The following ZBTB7C variants were observed in gnomAD, a reference collection of about 807,000 sequenced individuals.
ZBTB7C encodes zinc finger and BTB domain-containing protein 7C.
In ZBTB7C, 8 loss-of-function variants were observed where a neutral mutation model predicts 25.7. That is an observed-to-expected ratio of 0.31 (90% CI 0.18 to 0.56). The LOEUF (loss-of-function observed/expected upper bound fraction) is 0.56. Ranked by LOEUF, ZBTB7C falls within the 20% of genes least tolerant of loss-of-function variation. The pLI is 0.91. For missense variants in ZBTB7C, 824 were observed against 855.2 expected (o/e 0.96, Z 0.46); for synonymous variants, 394 against 369.0 (o/e 1.07, Z -0.78).
intron 1 of ZBTB7C, among the ~76,000 whole-genome samples, chr18:48,395,461 A>ATGTG (rs71165324): frequency 0.1 from 8,522 of 83,414 alleles, 849 homozygotes; most frequent in South Asian, 0.21. Context: ...TTCTATTCAA[A>ATGTG]TGTGTGTGTG....
At chr18:48,140,427 T>C (rs2040305300) in intron 3 of ZBTB7C, among the ~76,000 whole-genome samples, 1 of 152,170 alleles carries the variant, frequency 6.6e-6, no homozygotes, top group African/African-American at 2.4e-5. Flanking sequence ...CAGAGAAGTT[T>C]TACAACTTGT....
chr18:48,373,041 C>T (rs1460415839), intron 1 of ZBTB7C, among the ~76,000 whole-genome samples: 1 of 152,152 alleles, frequency 6.6e-6, no homozygotes, highest in Non-Finnish European at 1.5e-5. Context: ...CTGTGTTACC[C>T]ACTAAATTGT....
In ZBTB7C at chr18:48,221,773, C is replaced by T. The variant is rs1694826731; in HGVS notation, c.-78-35778G>A. Among the ~76,000 whole-genome samples, 4 of 151,824 alleles carry T rather than the reference C, an allele frequency of 2.6e-5. No individual in the cohort carries two copies. The South Asian group carries it at 8.4e-4, about 32-fold the overall frequency. ...ACTGTCCTTGTCTCCTCTATACTGT[C>T]CCAGTTTCCTCTATGCTGTCCCAGT... On this transcript the variant is annotated intron_variant, in intron 2 of 4. Transcript: ENST00000590800.
intron 2 of ZBTB7C, among the ~76,000 whole-genome samples, chr18:48,239,709 G>T (rs2043472805): frequency 6.6e-6 from 1 of 152,180 alleles, no homozygotes; most frequent in South Asian, 2.1e-4. Context: ...GGACGAATCT[G>T]AACAGTAGCC....
intron 1 of ZBTB7C, among the ~76,000 whole-genome samples, chr18:48,369,461 A>G (rs1265319108): frequency 6.6e-6 from 1 of 152,168 alleles, no homozygotes; most frequent in Non-Finnish European, 1.5e-5. Flanking sequence ...CATGTAAATG[A>G]TCTAAAGATA....
intron 2 of ZBTB7C, among the ~76,000 whole-genome samples, chr18:48,297,581 C>T (rs1180537357): frequency 1.3e-5 from 2 of 152,174 alleles, no homozygotes; most frequent in Admixed American, 6.5e-5. Context: ...ACAGCCATTT[C>T]CCTGTTACCC....
intron 3 of ZBTB7C, among the ~76,000 whole-genome samples, chr18:48,113,168 A>C (rs2039306286): frequency 2.0e-5 from 3 of 152,242 alleles, no homozygotes; most frequent in Non-Finnish European, 2.9e-5. Flanking sequence ...GGAGCAGGAC[A>C]AAGGGGTAAG....
intron 4 of ZBTB7C, among the ~76,000 whole-genome samples, chr18:48,035,461 A>G (rs1030661106): frequency 6.6e-6 from 1 of 152,224 alleles, no homozygotes; most frequent in Non-Finnish European, 1.5e-5. Context: ...TCTAGGAGCT[A>G]CTAACAGAAG....
intron 3 of ZBTB7C, among the ~76,000 whole-genome samples, chr18:48,164,867 C>G (rs1482868807): frequency 2.0e-5 from 3 of 152,110 alleles, no homozygotes; most frequent in Non-Finnish European, 2.9e-5. Flanking sequence ...TCACCACGAG[C>G]CCCCACCCCC....
chr18:48,285,609 C>T (rs1358459499), intron 2 of ZBTB7C, among the ~76,000 whole-genome samples: 2 of 152,236 alleles, frequency 1.3e-5, no homozygotes, highest in East Asian at 3.9e-4. Context: ...GCCTCGTCCT[C>T]TCAAAGTGCT....
chr18:48,159,394 G>C (rs1406711724), intron 3 of ZBTB7C, among the ~76,000 whole-genome samples: 1 of 152,156 alleles, frequency 6.6e-6, no homozygotes, highest in African/African-American at 2.4e-5. Context: ...AGGACATTTA[G>C]CACAGGGCCT....
chr18:48,166,830 C>T (rs1159663232), intron 3 of ZBTB7C, among the ~76,000 whole-genome samples: 2 of 152,332 alleles, frequency 1.3e-5, no homozygotes, highest in African/African-American at 4.8e-5. Flanking sequence ...CACACTGGAA[C>T]AAGCCTCTGG....
intron 1 of ZBTB7C, among the ~76,000 whole-genome samples, chr18:48,367,914 C>T (rs532962001): frequency 1.4e-4 from 21 of 151,220 alleles, no homozygotes; most frequent in Non-Finnish European, 2.7e-4. Flanking sequence ...GAAACCTGGA[C>T]GTCAACCCTC....
chr18:48,395,300 T>C (rs1450305220), intron 1 of ZBTB7C, among the ~76,000 whole-genome samples: 2 of 80,902 alleles, frequency 2.5e-5, no homozygotes, highest in African/African-American at 3.8e-5. Context: ...TGTGTGTGTG[T>C]GTGTGTGTGT....
chr18:48,163,093 G>A (rs2041122442), intron 3 of ZBTB7C, among the ~76,000 whole-genome samples: 1 of 152,198 alleles, frequency 6.6e-6, no homozygotes, highest in Admixed American at 6.5e-5. Context: ...AGGGATGTAG[G>A]GGCGCTGGAA....
At chr18:48,321,307 C>A (rs1160856229) in intron 2 of ZBTB7C, among the ~76,000 whole-genome samples, 2 of 152,218 alleles carry the variant, frequency 1.3e-5, no homozygotes, top group Non-Finnish European at 2.9e-5. Context: ...GCATCCTCCA[C>A]AGATGTGAGG....
At chr18:48,375,121 A>C (rs1449957942) in intron 1 of ZBTB7C, among the ~76,000 whole-genome samples, 2 of 152,098 alleles carry the variant, frequency 1.3e-5, no homozygotes, top group Non-Finnish European at 2.9e-5. Flanking sequence ...GCCTCTTTTA[A>C]TTTCCTCTTC....
chr18:48,219,480 T>G (rs1046007222), intron 2 of ZBTB7C, among the ~76,000 whole-genome samples: 7 of 152,190 alleles, frequency 4.6e-5, no homozygotes, highest in Non-Finnish European at 2.9e-5. Context: ...ACATTCCAGG[T>G]GGGGACACTG....
intron 3 of ZBTB7C, among the ~76,000 whole-genome samples, chr18:48,165,874 G>A (rs1347782414): frequency 2.0e-5 from 3 of 152,190 alleles, no homozygotes; most frequent in African/African-American, 7.2e-5. Flanking sequence ...AGGGTGGGGA[G>A]AGGCCTGCAT....
Sources: allele counts gnomAD v4.1 joint callset (sites outside exome capture counted in the v4.1 genomes callset), GRCh38; gene constraint gnomAD v4.1.1; transcripts MANE v1.5; gene names NCBI Gene and HGNC (gene_info 2026-07-23, HGNC 2026-07-21).